VPS41: variants seen among roughly 807,000 people sequenced by gnomAD.
VPS41 encodes vacuolar protein sorting-associated protein 41 homolog.
A neutral mutation model predicts 130.9 loss-of-function variants in VPS41; 85 were observed. The ratio of observed to expected loss-of-function variants is 0.65; its 90% CI spans 0.55 to 0.78. VPS41 has a LOEUF of 0.78. VPS41 is among the 30% of genes least tolerant of loss of function. The pLI is 0.00. For missense variants in VPS41, 874 were observed against 1,018.7 expected (o/e 0.86, Z 1.93); for synonymous variants, 335 against 332.9 (o/e 1.01, Z -0.07).
chr7:38,742,643 A>C (rs866730608), intron 24 of VPS41, among the ~76,000 whole-genome samples: 2 of 152,090 alleles, frequency 1.3e-5, no homozygotes, highest in Admixed American at 6.6e-5. Context: ...TGAGATCCTT[A>C]AACTACTACT....
chr7:38,789,970 G>T, intron 9 of VPS41, 103 bp from the exon 10 acceptor site: 1 of 1,106,772 alleles, frequency 9.0e-7, no homozygotes, highest in Non-Finnish European at 1.4e-6. Flanking sequence ...TTGTAGCACT[G>T]CAGATGGAGT....
intron 25 of VPS41, among the ~76,000 whole-genome samples, chr7:38,730,906 A>T (rs965222974): frequency 2.6e-5 from 4 of 152,238 alleles, no homozygotes; most frequent in Admixed American, 1.3e-4. Flanking sequence ...CAAGCTAAAA[A>T]AGAAAACAGC....
intron 4 of VPS41, among the ~76,000 whole-genome samples, chr7:38,856,097 T>C (rs1479660916): frequency 6.6e-6 from 1 of 152,224 alleles, no homozygotes; most frequent in Non-Finnish European, 1.5e-5. Flanking sequence ...TCTCTTCTTA[T>C]GTTGGCACTA....
chr7:38,905,783 G>GT (rs1286101227), intron 1 of VPS41, among the ~76,000 whole-genome samples: 13 of 151,842 alleles, frequency 8.6e-5, no homozygotes, highest in Non-Finnish European at 1.6e-4. Flanking sequence ...CATTTTTGGG[G>GT]GTTTTTTTGT....
At chr7:38,779,023 C>T (rs1323474036) in intron 10 of VPS41, among the ~76,000 whole-genome samples, 1 of 152,190 alleles carries the variant, frequency 6.6e-6, no homozygotes, top group African/African-American at 2.4e-5. Context: ...TAATTAAGAA[C>T]ATGATAGAAA....
At chr7:38,798,992 C>A (rs1784674607) in intron 7 of VPS41, among the ~76,000 whole-genome samples, 1 of 152,064 alleles carries the variant, frequency 6.6e-6, no homozygotes, top group African/African-American at 2.4e-5. Context: ...TGCCACAACA[C>A]CCCCTACACT....
chr7:38,762,282 T>C (rs1010781181), intron 17 of VPS41, among the ~76,000 whole-genome samples: 1 of 152,198 alleles, frequency 6.6e-6, no homozygotes, highest in Non-Finnish European at 1.5e-5. Context: ...CCTGTTATGA[T>C]TGAATGAGCA....
At chr7:38,844,328 A>G (rs768375046) in intron 4 of VPS41, among the ~76,000 whole-genome samples, 1 of 152,262 alleles carries the variant, frequency 6.6e-6, no homozygotes, top group South Asian at 2.1e-4. Context: ...TTTAAGATAT[A>G]CAGACTGCAT....
At chr7:38,758,707 G>A (rs1243101956) in intron 17 of VPS41, among the ~76,000 whole-genome samples, 1 of 152,162 alleles carries the variant, frequency 6.6e-6, no homozygotes, top group African/African-American at 2.4e-5. Flanking sequence ...ACTGAGACAG[G>A]ATTAAAGGGT....
chr7:38,744,845 G>C (rs369109453), intron 23 of VPS41, among the ~76,000 whole-genome samples: 4 of 152,224 alleles, frequency 2.6e-5, no homozygotes, highest in African/African-American at 7.2e-5. Context: ...CAGAGGCAAA[G>C]AGGCCAATGA....
chr7:38,813,228 T>C (rs984633553), intron 7 of VPS41, among the ~76,000 whole-genome samples: 1 of 152,166 alleles, frequency 6.6e-6, no homozygotes. Flanking sequence ...ACAACATTGA[T>C]GTACCTAGAA....
In VPS41 at chr7:38,899,320, G is replaced by A. The variant is rs147436457; in HGVS notation, c.22-1191C>T. On this transcript the variant is annotated intron_variant, in intron 1 of 28. Coordinates refer to ENST00000310301, the MANE Select transcript of VPS41 (RefSeq NM_014396.4). ...CCTGTTTAGCTTAATGTCAATCCAA[G>A]TCTCATAAAGTTCTTATTCATTTGA... Among the ~76,000 whole-genome samples, 53 of 152,242 alleles carry A rather than the reference G, an allele frequency of 3.5e-4. No individual in the cohort carries two copies. In the East Asian group the frequency reaches 8.5e-3, roughly 24 times the overall value.
intron 11 of VPS41, among the ~76,000 whole-genome samples, chr7:38,774,628 A>C (rs1031855265): frequency 7.9e-5 from 12 of 152,202 alleles, no homozygotes; most frequent in African/African-American, 2.9e-4. Context: ...GAATAGCAAA[A>C]TAAAAAAATA....
chr7:38,807,279 G>A (rs1459385406), intron 7 of VPS41, among the ~76,000 whole-genome samples: 19 of 152,110 alleles, frequency 1.2e-4, no homozygotes, highest in Non-Finnish European at 4.4e-5. Flanking sequence ...GGTGATCTTT[G>A]GCCGCAGGGC....
Position 38,774,250 on chromosome 7 carries a change from G to C in VPS41, c.883-6C>G. 3 of 1,561,034 alleles carry C rather than the reference G, an allele frequency of 1.9e-6. No individual in the cohort carries two copies. Among genetic ancestry groups the C allele is most frequent in the Non-Finnish European group, 2.6e-6 (3 of 1,151,872 alleles). On this transcript the variant is annotated splice_region_variant and splice_polypyrimidine_tract_variant and intron_variant, in intron 11 of 28. Coordinates refer to ENST00000310301, the MANE Select transcript of VPS41 (RefSeq NM_014396.4). ...CTGGCACAGTATTCTCTTTCCTAGT[G>C]GGGGAAAAGAGAGAAACATTAATTT...
chr7:38,744,889 G>A (rs774669585), intron 23 of VPS41, among the ~76,000 whole-genome samples: 2 of 152,248 alleles, frequency 1.3e-5, no homozygotes, highest in African/African-American at 2.4e-5. Context: ...GGCGTAAAGC[G>A]GAAAAACCCT....
At chr7:38,869,349 C>T in intron 2 of VPS41, 96 bp from the exon 3 acceptor site, 6 of 767,210 alleles carry the variant, frequency 7.8e-6, no homozygotes, top group African/African-American at 1.7e-5. Flanking sequence ...GAGATGGTTC[C>T]TTCAATGATG....
At chr7:38,873,874 ATTACTT>A (rs780060490) in intron 2 of VPS41, among the ~76,000 whole-genome samples, 37 of 152,202 alleles carry the variant, frequency 2.4e-4, no homozygotes, top group Non-Finnish European at 4.6e-4. Flanking sequence ...GAGGAGGGAA[ATTACTT>A]TTAAGGATAA....
chr7:38,772,818 C>T (rs1180656340), intron 12 of VPS41, among the ~76,000 whole-genome samples, 181 bp from the exon 13 acceptor site: 3 of 151,506 alleles, frequency 2.0e-5, no homozygotes, highest in African/African-American at 4.9e-5. Flanking sequence ...ATGACAGAAG[C>T]GTATTTCAGT....
Sources: gnomAD v4.1 joint callset for allele counts (sites outside exome capture counted in the v4.1 genomes callset) on GRCh38, gnomAD v4.1.1 for gene constraint, MANE v1.5 for transcripts, NCBI Gene and HGNC (gene_info 2026-07-23, HGNC 2026-07-21) for gene names.